The following MACO1 variants were observed in gnomAD, a reference collection of about 807,000 sequenced individuals.
MACO1 encodes macoilin.
A neutral mutation model predicts 78.7 loss-of-function variants in MACO1; 14 were observed. The observed-to-expected ratio is 0.18, with a 90% CI of 0.12 to 0.28. The LOEUF (loss-of-function observed/expected upper bound fraction) is 0.28. Among genes scored for constraint, MACO1 ranks in the 10% least tolerant of loss-of-function variants. MACO1 has a pLI of 1.00. For missense variants in MACO1, 501 were observed against 799.0 expected (o/e 0.63, Z 4.50); for synonymous variants, 288 against 291.6 (o/e 0.99, Z 0.12).
At chr1:25,491,669 A>C in intron 10 of MACO1, 85 bp downstream of exon 10, 1 of 1,159,142 alleles carries the variant, frequency 8.6e-7, no homozygotes, top group Non-Finnish European at 1.2e-6. Context: ...AGAGCTCTCA[A>C]CCAAGGGGCA....
At chr1:25,442,014 A>G (rs977841692) in intron 1 of MACO1, among the ~76,000 whole-genome samples, 4 of 152,234 alleles carry the variant, frequency 2.6e-5, no homozygotes, top group Non-Finnish European at 4.4e-5. Flanking sequence ...TATGTTATAT[A>G]CCAGTGCTTC....
chr1:25,447,920 C>G (rs1038417538), intron 2 of MACO1, among the ~76,000 whole-genome samples: 28 of 152,150 alleles, frequency 1.8e-4, no homozygotes, highest in African/African-American at 6.8e-4. Context: ...GTGCTTTGGT[C>G]AGAGCAAATC....
rs947591317 is a variant in MACO1, at chr1:25,431,027, G to A, written c.-72G>A. 2.8e-4 allele frequency: 379 copies of A among 1,333,822 alleles called. 1 individual carries two copies. The highest frequency in any genetic ancestry group is 3.5e-4 in the Non-Finnish European group (340 of 984,106). The allele number at this position is 1,333,822 out of a possible 1,614,324, so 82.6% of individuals were successfully genotyped here. A position where few individuals can be genotyped will look rare whatever the true frequency, so the allele number is the denominator to read the frequency against. On this transcript the variant is annotated 5_prime_UTR_variant, in exon 1 of 11. Transcript: ENST00000374343. Reference sequence around the variant, plus strand: ...GTAGAGTCCAGGCCCGACGCGGGGCGGGCCAGCGGCGGCGGCAGCTGAGGT... The same window carrying A: ...GTAGAGTCCAGGCCCGACGCGGGGCAGGCCAGCGGCGGCGGCAGCTGAGGT...
intron 1 of MACO1, among the ~76,000 whole-genome samples, chr1:25,445,738 G>C (rs996763989): frequency 2.0e-5 from 3 of 151,672 alleles, no homozygotes; most frequent in Non-Finnish European, 2.9e-5. Flanking sequence ...ATCAGTATTG[G>C]AATATTTGTA....
chr1:25,480,016 T>A (rs184151168), intron 6 of MACO1, among the ~76,000 whole-genome samples: 5 of 152,370 alleles, frequency 3.3e-5, no homozygotes, highest in Non-Finnish European at 5.9e-5. Flanking sequence ...GAGTTATTTA[T>A]ATTTTTATTT....
intron 3 of MACO1, 111 bp from the exon 4 acceptor site, chr1:25,454,148 T>TA (rs1443973426): frequency 1.6e-6 from 2 of 1,245,740 alleles, no homozygotes; most frequent in East Asian, 5.7e-5. Flanking sequence ...TAATTTAGTT[T>TA]AGGTGAAGGT....
At chr1:25,447,656 C>T (rs1243655006) in intron 2 of MACO1, among the ~76,000 whole-genome samples, 1 of 152,168 alleles carries the variant, frequency 6.6e-6, no homozygotes, top group Non-Finnish European at 1.5e-5. Flanking sequence ...TGTCATGTAA[C>T]TTACAGAAAA....
intron 6 of MACO1, among the ~76,000 whole-genome samples, chr1:25,477,584 C>T (rs1048479213): frequency 2.6e-5 from 4 of 152,162 alleles, no homozygotes; most frequent in Admixed American, 2.6e-4. Context: ...AGACATATAT[C>T]TTTAGGTGGT....
intron 10 of MACO1, 152 bp from the exon 11 acceptor site, chr1:25,498,112 T>A: frequency 1.5e-6 from 1 of 664,904 alleles, no homozygotes; most frequent in Non-Finnish European, 2.6e-6. Flanking sequence ...ATATTTACTG[T>A]GTCCCATTAC....
intron 6 of MACO1, among the ~76,000 whole-genome samples, chr1:25,478,616 T>A (rs1354928296): frequency 6.6e-6 from 1 of 152,204 alleles, no homozygotes; most frequent in African/African-American, 2.4e-5. Context: ...TTGCTGTGAG[T>A]TAGATAATAG....
chr1:25,460,242 T>C (rs967230691), intron 6 of MACO1, among the ~76,000 whole-genome samples: 1 of 152,170 alleles, frequency 6.6e-6, no homozygotes, highest in African/African-American at 2.4e-5. Flanking sequence ...TTCTGGCCAT[T>C]GTGCCCAGCA....
intron 9 of MACO1, among the ~76,000 whole-genome samples, chr1:25,490,047 G>T (rs2043471043): frequency 6.6e-6 from 1 of 151,916 alleles, no homozygotes; most frequent in African/African-American, 2.4e-5. Flanking sequence ...AAGAGTTGAA[G>T]GCAGAAAAAA....
intron 2 of MACO1, among the ~76,000 whole-genome samples, chr1:25,448,581 G>A (rs2043036751): frequency 6.6e-6 from 1 of 152,164 alleles, no homozygotes; most frequent in South Asian, 2.1e-4. Flanking sequence ...TCTTTTTCAT[G>A]ATTTGAGGAC....
intron 1 of MACO1, among the ~76,000 whole-genome samples, chr1:25,441,026 G>T (rs1379796722): frequency 1.3e-5 from 2 of 152,158 alleles, no homozygotes; most frequent in Admixed American, 6.5e-5. Flanking sequence ...TAATCGTTCA[G>T]GCAGAAGCTG....
At chr1:25,467,950 T>A (rs76718859) in intron 6 of MACO1, among the ~76,000 whole-genome samples, 7,328 of 152,158 alleles carry the variant, frequency 0.048, 559 homozygotes, top group African/African-American at 0.16. Context: ...CTTTAAAAAA[T>A]TTTTATCAAC....
intron 6 of MACO1, among the ~76,000 whole-genome samples, chr1:25,483,131 A>G (rs1486585269): frequency 6.6e-6 from 1 of 152,022 alleles, no homozygotes; most frequent in Non-Finnish European, 1.5e-5. Context: ...GCTCACTGCA[A>G]CCTCCACCTC....
chr1:25,471,505 T>C (rs1021560876), intron 6 of MACO1, among the ~76,000 whole-genome samples: 1 of 152,240 alleles, frequency 6.6e-6, no homozygotes, highest in Non-Finnish European at 1.5e-5. Flanking sequence ...TATAACATGC[T>C]TATTATACCA....
intron 10 of MACO1, among the ~76,000 whole-genome samples, chr1:25,492,144 G>T (rs909267975): frequency 6.6e-5 from 10 of 152,186 alleles, no homozygotes; most frequent in Non-Finnish European, 1.5e-4. Flanking sequence ...TGAAGCAGAG[G>T]ATACAAATGA....
At chr1:25,446,504 AATGGTTTTTTTCC>A (rs1268828255) in intron 1 of MACO1, among the ~76,000 whole-genome samples, 2 of 152,106 alleles carry the variant, frequency 1.3e-5, no homozygotes, top group African/African-American at 4.8e-5. Context: ...GTGGGATTTA[AATGGTTTTTTTCC>A]ATCTTAAGTA....
Sources: allele counts gnomAD v4.1 joint callset (sites outside exome capture counted in the v4.1 genomes callset), GRCh38; gene constraint gnomAD v4.1.1; transcripts MANE v1.5; gene names NCBI Gene and HGNC (gene_info 2026-07-23, HGNC 2026-07-21).